CCDC195: variants seen among roughly 807,000 people sequenced by gnomAD.
CCDC195 encodes the protein coiled-coil domain-containing protein 195.
intron 1 of CCDC195, among the ~76,000 whole-genome samples, chr2:224,714,657 C>T (rs1388274837): frequency 6.6e-6 from 1 of 152,078 alleles, no homozygotes; most frequent in Non-Finnish European, 1.5e-5. Context: ...AAACCCTCAA[C>T]TAAGCAAATA....
At chr2:224,704,616 T>C (rs1410094700) in intron 2 of CCDC195, among the ~76,000 whole-genome samples, 1 of 140,664 alleles carries the variant, frequency 7.1e-6, no homozygotes, top group East Asian at 2.0e-4. Context: ...TTTTCTTTTT[T>C]TTTTTTTTTT....
chr2:224,710,088 A>G (rs2124851183), exon 2 of CCDC195: 1 of 398,608 alleles, frequency 2.5e-6, no homozygotes, highest in Non-Finnish European at 4.4e-6. Flanking sequence ...GAACATGCCA[A>G]TGACTTCAGT....
intron 1 of CCDC195, among the ~76,000 whole-genome samples, chr2:224,710,712 G>T (rs543753891): frequency 6.6e-6 from 1 of 152,156 alleles, no homozygotes; most frequent in African/African-American, 2.4e-5. Flanking sequence ...CATATGCCAG[G>T]ATCTTTTTTA....
At chr2:224,708,231 C>A (rs1216354565) in intron 2 of CCDC195, among the ~76,000 whole-genome samples, 1 of 152,088 alleles carries the variant, frequency 6.6e-6, no homozygotes, top group Non-Finnish European at 1.5e-5. Flanking sequence ...GTGCATGTAA[C>A]ATTAATTTCT....
chr2:224,714,911 T>A (rs1264255223), intron 1 of CCDC195, among the ~76,000 whole-genome samples: 1 of 152,066 alleles, frequency 6.6e-6, no homozygotes, highest in Non-Finnish European at 1.5e-5. Flanking sequence ...ATTGTCAACC[T>A]GTTCAGAGCT....
chr2:224,714,320 T>C (rs533945103), intron 1 of CCDC195, among the ~76,000 whole-genome samples: 1 of 152,372 alleles, frequency 6.6e-6, no homozygotes, highest in South Asian at 2.1e-4. Flanking sequence ...TGAACTGTGT[T>C]AATACATGTT....
chr2:224,715,408 A>G (rs16866132), intron 1 of CCDC195, among the ~76,000 whole-genome samples: 2,186 of 152,320 alleles, frequency 0.014, 51 homozygotes, highest in African/African-American at 0.048. Context: ...TTTGATTTTT[A>G]GAATATATCA....
chr2:224,707,925 T>G (rs1235415319), intron 2 of CCDC195, among the ~76,000 whole-genome samples: 1 of 151,746 alleles, frequency 6.6e-6, no homozygotes, highest in East Asian at 1.9e-4. Context: ...TCTTTCTTCC[T>G]TCCTTTCTTC....
At chr2:224,705,245 T>G (rs1156861049) in intron 2 of CCDC195, among the ~76,000 whole-genome samples, 1 of 152,202 alleles carries the variant, frequency 6.6e-6, no homozygotes, top group Non-Finnish European at 1.5e-5. Flanking sequence ...TTTATTGTAA[T>G]GAATCTGGTT....
chr2:224,713,173 G>A (rs540523591), intron 1 of CCDC195, among the ~76,000 whole-genome samples: 63 of 152,176 alleles, frequency 4.1e-4, no homozygotes, highest in Non-Finnish European at 7.8e-4. Flanking sequence ...GGCCTCTAAC[G>A]TTCCTTTCTA....
intron 1 of CCDC195, among the ~76,000 whole-genome samples, chr2:224,712,923 C>T (rs1689332162): frequency 6.6e-6 from 1 of 151,950 alleles, no homozygotes; most frequent in African/African-American, 2.4e-5. Flanking sequence ...GGCCAGAGTG[C>T]AGTGGTGCAA....
chr2:224,706,087 A>G (rs1344895207), intron 2 of CCDC195, among the ~76,000 whole-genome samples: 29 of 151,918 alleles, frequency 1.9e-4, no homozygotes, highest in Admixed American at 1.9e-3. Context: ...ACATATGTGA[A>G]CACAAGCTAT....
exon 3 of CCDC195, chr2:224,703,871 C>T: frequency 2.5e-6 from 1 of 398,560 alleles, no homozygotes; most frequent in Non-Finnish European, 4.4e-6. Flanking sequence ...AGGAAACTGA[C>T]TGCCTTTGTC....
At chr2:224,710,864 A>G (rs925454789) in intron 1 of CCDC195, among the ~76,000 whole-genome samples, 3 of 152,218 alleles carry the variant, frequency 2.0e-5, no homozygotes, top group African/African-American at 7.2e-5. Flanking sequence ...GGACAAGGGG[A>G]TAGAGACAGA....
exon 2 of CCDC195, chr2:224,710,056 C>T (rs1689295852): frequency 2.5e-6 from 1 of 398,470 alleles, no homozygotes; most frequent in African/African-American, 2.1e-5. Flanking sequence ...CCTTTTCTTC[C>T]ATGTCTTGCT....
At chr2:224,710,506 C>T (rs537858140) in intron 1 of CCDC195, among the ~76,000 whole-genome samples, 10 of 152,092 alleles carry the variant, frequency 6.6e-5, no homozygotes, top group East Asian at 1.9e-4. Flanking sequence ...GGCGTGGTGG[C>T]GGGCACCTGT....
At chr2:224,703,958 T>G in intron 2 of CCDC195, 71 bp from the exon 3 acceptor site, 1 of 397,398 alleles carries the variant, frequency 2.5e-6, no homozygotes, top group East Asian at 3.6e-5. Context: ...TGATGATTTT[T>G]CCCCCCAATC....
chr2:224,713,830 T>C (rs1451691933), intron 1 of CCDC195, among the ~76,000 whole-genome samples: 1 of 133,622 alleles, frequency 7.5e-6, no homozygotes, highest in Non-Finnish European at 1.6e-5. Context: ...TGAGACAAGG[T>C]CACTCTTGTC....
intron 2 of CCDC195, among the ~76,000 whole-genome samples, chr2:224,705,551 C>T (rs1013857866): frequency 3.3e-5 from 5 of 152,116 alleles, no homozygotes; most frequent in Admixed American, 1.3e-4. Context: ...TCAGTGCAAA[C>T]AAATTGGTTC....
Sources: allele counts gnomAD v4.1 joint callset (sites outside exome capture counted in the v4.1 genomes callset), GRCh38; gene constraint gnomAD v4.1.1; transcripts MANE v1.5; gene names NCBI Gene and HGNC (gene_info 2026-07-23, HGNC 2026-07-21).